The following DDX3X variants were observed in gnomAD, a reference collection of about 807,000 sequenced individuals.
DDX3X encodes ATP-dependent RNA helicase DDX3X.
Under a neutral mutation model 52.7 loss-of-function variants are expected in DDX3X, and 4 were observed. The observed-to-expected ratio is 0.08, with a 90% CI of 0.04 to 0.17. The LOEUF (loss-of-function observed/expected upper bound fraction) is 0.17, where lower values mean the gene tolerates loss of function less well. DDX3X is among the 10% of genes least tolerant of loss of function. The pLI is 1.00. For synonymous variants in DDX3X, 192 were observed against 178.1 expected (o/e 1.08, Z -0.62); for missense variants, 222 against 548.6 (o/e 0.40, Z 5.95).
At chrX:41,334,767 G>C (rs780244310) in intron 1 of DDX3X, 14 of 953,620 alleles carry the variant, frequency 1.5e-5, no homozygotes, top group Middle Eastern at 3.1e-4. Context: ...CTGCGAGCAA[G>C]GGGTAGAACG....
At chrX:41,340,975 A>C (rs2063841522) in intron 3 of DDX3X, 2 of 266,816 alleles carry the variant, frequency 7.5e-6, no homozygotes, top group African/African-American at 5.5e-5. Context: ...TGCTTGATTT[A>C]GTGTAAAGTA....
At chrX:41,355,824 A>C (rs73205655) in intron 5 of DDX3X, among the ~76,000 whole-genome samples, 22,685 of 108,955 alleles carry the variant, frequency 0.21, 2,177 homozygotes, top group East Asian at 0.45. Flanking sequence ...ATTGGTGTAA[A>C]GTAGTATCTT....
chrX:41,335,052 ATTGGGGAGGAG>A (rs1439657103), intron 1 of DDX3X: 1 of 56,921 alleles, frequency 1.8e-5, no homozygotes, highest in Non-Finnish European at 3.1e-5. Flanking sequence ...GACGCAGAAG[ATTGGGGAGGAG>A]TGGGGGAGGG....
At chrX:41,337,636 C>A in intron 2 of DDX3X, 171 bp downstream of exon 2, 4 of 320,154 alleles carry the variant, frequency 1.2e-5, no homozygotes, top group Non-Finnish European at 1.5e-5. Context: ...TCTAAAGCAT[C>A]GTTGCCTTTT....
At chrX:41,355,645 C>CT (rs36111286) in intron 5 of DDX3X, among the ~76,000 whole-genome samples, 26,892 of 85,700 alleles carry the variant, frequency 0.31, 4,571 homozygotes, top group East Asian at 0.78. Flanking sequence ...TTTTCTTTTT[C>CT]TTTTTTTTTT....
chrX:41,343,456 G>A (rs781025119), intron 7 of DDX3X, 105 bp downstream of exon 7: 286 of 746,051 alleles, frequency 3.8e-4, no homozygotes, highest in South Asian at 8.5e-4. Context: ...GCTGCTCTGC[G>A]CTGCTATTGG....
chrX:41,334,061 G>C (rs188732368), upstream of DDX3X: 562 of 438,123 alleles, frequency 1.3e-3, no homozygotes, highest in Non-Finnish European at 2.1e-3. Flanking sequence ...AAGTCGCCGC[G>C]ACAGGGAATT....
chrX:41,346,289 A>G lies in DDX3X; in HGVS notation c.1376A>G (p.Asp459Gly). The change falls in exon 13 of 17, where the codon GAT (aspartate) becomes GGT (glycine). Residue 459 changes from aspartate (D) to glycine (G), a missense_variant. Asp to Gly is a moderately conservative substitution (Grantham distance 94). Around this residue, in one of 5 missense-constraint regions of DDX3X, gnomAD observed 73 missense variants for 301.4 expected, o/e 0.24. Coordinates refer to ENST00000644876, the MANE Select transcript of DDX3X (RefSeq NM_001356.5). ...ETKKGADSLEDFLYHEGYACT... is the reference protein window; with the variant it reads ...ETKKGADSLEGFLYHEGYACT... Reference sequence around the variant, plus strand: ...AAAAAGGGTGCAGATTCTCTGGAGGATTTCTTATACCATGAAGGATACGCA... The same window carrying G: ...AAAAAGGGTGCAGATTCTCTGGAGGGTTTCTTATACCATGAAGGATACGCA... 2 of 1,210,602 alleles carry G rather than the reference A, an allele frequency of 1.7e-6. No homozygotes were observed. The highest frequency in any genetic ancestry group is 2.2e-6 in the Non-Finnish European group (2 of 894,917).
At position 41,347,323 on chromosome X, in the gene DDX3X, G is replaced by A. The variant is rs761434235; in HGVS notation, c.1781G>A (p.Ser594Asn). Reference sequence around the variant, plus strand: ...TTTTTTTCTTATAGTAGCAGATTTAGTGGAGGGTTTGGTGCCAGAGACTAC... The same window carrying A: ...TTTTTTTCTTATAGTAGCAGATTTAATGGAGGGTTTGGTGCCAGAGACTAC... ...SRGRSKSSRF[S>N]GGFGARDYRQ... The change falls in exon 16 of 17, where the codon AGT (serine) becomes AAT (asparagine). Residue 594 changes from serine to asparagine, a missense_variant. Ser to Asn is a conservative substitution (Grantham distance 46). Transcript: ENST00000644876. The A allele has an allele frequency of 4.1e-5, 50 of 1,206,116 alleles. No homozygotes were observed. Among genetic ancestry groups the A allele is most frequent in the Non-Finnish European group, 5.6e-5 (50 of 893,314 alleles).
chrX:41,342,078 TCTG>T, intron 4 of DDX3X: 1 of 155,452 alleles, frequency 6.4e-6, no homozygotes, highest in Non-Finnish European at 1.2e-5. Flanking sequence ...TTATCCAAAG[TCTG>T]TCACACAGGT....
downstream of DDX3X, among the ~76,000 whole-genome samples, chrX:41,354,807 G>A (rs72626411): frequency 0.082 from 7,859 of 95,514 alleles, 290 homozygotes; most frequent in East Asian, 0.44. Flanking sequence ...ATCAATCCAA[G>A]TTGTTGTAAA....
At position 41,348,794 on chromosome X, in the gene DDX3X, A is replaced by G. The variant is rs1350972903; in HGVS notation, c.*1075A>G. On this transcript the variant is annotated 3_prime_UTR_variant, in exon 17 of 17. Transcript: ENST00000644876. ...ATGCCGATTCACATTACTCTGTTCA[A>G]GCTGCGTTGAGATGTTAAACTGGCT... 8.9e-6 allele frequency: 1 copy of G among 112,398 alleles called. No individual in the cohort carries two copies. Among genetic ancestry groups the G allele is most frequent in the East Asian group, 2.8e-4 (1 of 3,616 alleles). 9.3% of individuals were successfully genotyped at this position (112,398 alleles called of 1,213,427 possible). A position where few individuals can be genotyped will look rare whatever the true frequency, so the allele number is the denominator to read the frequency against.
chrX:41,344,806 T>G (rs1457451357), intron 10 of DDX3X, among the ~76,000 whole-genome samples: 1 of 112,021 alleles, frequency 8.9e-6, no homozygotes, highest in East Asian at 2.8e-4. Flanking sequence ...TGTGGTGATG[T>G]TAACATTGTC....
intron 15 of DDX3X, 122 bp downstream of exon 15, chrX:41,347,134 G>A: frequency 1.1e-6 from 1 of 945,636 alleles, no homozygotes; most frequent in South Asian, 2.4e-5. Flanking sequence ...ATCATCTTAG[G>A]CTTCCTAGAT....
At chrX:41,347,056 T>TA in intron 15 of DDX3X, 44 bp downstream of exon 15, 4 of 1,135,469 alleles carry the variant, frequency 3.5e-6, no homozygotes, top group Non-Finnish European at 4.8e-6. Flanking sequence ...GGTGTTCACT[T>TA]ACAGTTCATA....
chrX:41,357,388 C>A (rs2064013686), intron 5 of DDX3X, among the ~76,000 whole-genome samples: 1 of 111,698 alleles, frequency 9.0e-6, no homozygotes. Context: ...ACAAAAGAAT[C>A]TTGCTGGGAT....
chrX:41,353,770 C>CA (rs948478529), downstream of DDX3X, among the ~76,000 whole-genome samples: 287 of 97,738 alleles, frequency 2.9e-3, 4 homozygotes, highest in Middle Eastern at 5.0e-3. Flanking sequence ...GGTTCCATCT[C>CA]AAAAAAAAAA....
chrX:41,339,864 A>T (rs1309093153), intron 3 of DDX3X: 1 of 108,257 alleles, frequency 9.2e-6, no homozygotes, highest in East Asian at 2.9e-4. Context: ...CTGGCAATGC[A>T]TGGATATAAA....
At chrX:41,343,429 G>T in intron 7 of DDX3X, 78 bp downstream of exon 7, 1 of 974,402 alleles carries the variant, frequency 1.0e-6, no homozygotes, top group African/African-American at 2.0e-5. Flanking sequence ...ATTTTTTATG[G>T]GTCATGCAGT....
Sources: allele counts gnomAD v4.1 joint callset (sites outside exome capture counted in the v4.1 genomes callset), GRCh38; gene constraint gnomAD v4.1.1; regional missense constraint gnomAD v4.1.1; transcripts MANE v1.5; gene names NCBI Gene and HGNC (gene_info 2026-07-23, HGNC 2026-07-21).